The following KRABD3 variants were observed in gnomAD, a reference collection of about 807,000 sequenced individuals.
KRABD3 encodes KRAB domain containing 3.
the KRABD3 span, among the ~76,000 whole-genome samples, chr7:149,715,868 A>G: frequency 3.9e-5 from 6 of 152,188 alleles, no homozygotes; most frequent in Non-Finnish European, 7.4e-5. Flanking sequence ...CTGCACAGTT[A>G]AGTAGCCTAG....
chr7:149,730,563 G>C, the KRABD3 span: 1 of 1,611,596 alleles, frequency 6.2e-7, no homozygotes, highest in Non-Finnish European at 8.5e-7. Context: ...AGCGGCCTCG[G>C]TGCAGGTGAG....
the KRABD3 span, chr7:149,733,513 G>A: frequency 6.3e-7 from 1 of 1,590,956 alleles, no homozygotes; most frequent in South Asian, 1.1e-5. Flanking sequence ...AAGCTTCCTG[G>A]ATGTGGACCC....
the KRABD3 span, among the ~76,000 whole-genome samples, chr7:149,726,437 AT>A: frequency 0.027 from 3,754 of 139,558 alleles, 130 homozygotes; most frequent in African/African-American, 0.078. Context: ...TCTATACAGA[AT>A]TTTTTTTTTT....
At chr7:149,721,540 G>C in the KRABD3 span, 1 of 1,610,766 alleles carries the variant, frequency 6.2e-7, no homozygotes, top group Non-Finnish European at 8.5e-7. Flanking sequence ...CCATCAGTGA[G>C]TCTGACACAG....
the KRABD3 span, chr7:149,734,337 T>C: frequency 2.2e-6 from 1 of 449,602 alleles, no homozygotes; most frequent in South Asian, 2.9e-5. Context: ...TGTAGGTGGG[T>C]GGTGTGCATA....
chr7:149,720,741 G>T, the KRABD3 span: 2 of 1,252,784 alleles, frequency 1.6e-6, no homozygotes, highest in South Asian at 1.4e-5. Context: ...TGGCTGGGAG[G>T]ATTACGTGAG....
At chr7:149,731,758 G>T in the KRABD3 span, 5 of 1,611,012 alleles carry the variant, frequency 3.1e-6, no homozygotes, top group Non-Finnish European at 3.4e-6. Context: ...GCTTGGACAT[G>T]GAAGACCCAG....
chr7:149,727,797 C>T, the KRABD3 span, among the ~76,000 whole-genome samples: 1 of 152,202 alleles, frequency 6.6e-6, no homozygotes, highest in Admixed American at 6.5e-5. Context: ...AGCGAACGTG[C>T]TGTGGAGAAA....
chr7:149,733,734 A>G, the KRABD3 span: 2 of 1,583,292 alleles, frequency 1.3e-6, no homozygotes, highest in East Asian at 2.3e-5. Flanking sequence ...CCTGGGCTCC[A>G]CTGCAGCTCT....
chr7:149,719,117 C>G, the KRABD3 span, among the ~76,000 whole-genome samples: 2 of 152,222 alleles, frequency 1.3e-5, no homozygotes, highest in African/African-American at 4.8e-5. The surrounding 1 kb of genome is among the most constrained non-coding windows in gnomAD (Gnocchi z 5.6). Flanking sequence ...CTTCTTGCCT[C>G]TTGTGGCTTC....
chr7:149,723,254 T>C, the KRABD3 span, among the ~76,000 whole-genome samples: 19 of 152,124 alleles, frequency 1.2e-4, no homozygotes, highest in Non-Finnish European at 1.5e-5. Flanking sequence ...ACGCCAGGCA[T>C]GATGCATGGG....
the KRABD3 span, chr7:149,720,813 G>T: frequency 7.7e-6 from 12 of 1,565,096 alleles, no homozygotes; most frequent in East Asian, 2.4e-5. Flanking sequence ...GGTGCGGGGG[G>T]GTCACTGTGG....
At chr7:149,720,222 A>C in the KRABD3 span, 1 of 1,374,852 alleles carries the variant, frequency 7.3e-7, no homozygotes, top group Non-Finnish European at 9.9e-7. Context: ...CCAGCCTCTC[A>C]CCTCCCTGCC....
the KRABD3 span, among the ~76,000 whole-genome samples, chr7:149,715,722 C>G: frequency 1.3e-4 from 20 of 152,176 alleles, no homozygotes; most frequent in African/African-American, 4.6e-4. Context: ...TGGGGGGCAG[C>G]GTGTGACTAG....
the KRABD3 span, chr7:149,719,653 C>T: frequency 2.9e-5 from 46 of 1,606,556 alleles, 1 homozygote; most frequent in Middle Eastern, 1.7e-4. The surrounding 1 kb of genome is among the most constrained non-coding windows in gnomAD (Gnocchi z 5.6). Context: ...GGGAGAACTA[C>T]GAGACGCTGG....
the KRABD3 span, chr7:149,719,635 C>CGTGATG: frequency 1.2e-6 from 2 of 1,608,688 alleles, no homozygotes; most frequent in Non-Finnish European, 1.7e-6. The surrounding 1 kb of genome is among the most constrained non-coding windows in gnomAD (Gnocchi z 5.6). Flanking sequence ...TCTACCGAGA[C>CGTGATG]GTGATGCGGG....
the KRABD3 span, chr7:149,722,954 C>A: frequency 1.9e-6 from 3 of 1,584,760 alleles, no homozygotes; most frequent in Admixed American, 5.8e-5. Context: ...CCGCCCTGGG[C>A]AGGTGAGTTC....
the KRABD3 span, chr7:149,722,115 T>A: frequency 4.5e-6 from 2 of 446,118 alleles, no homozygotes; most frequent in Non-Finnish European, 8.3e-6. Flanking sequence ...CTGTGTGCCC[T>A]GTGTGTGCCC....
At chr7:149,723,040 T>G in the KRABD3 span, 3 of 1,157,202 alleles carry the variant, frequency 2.6e-6, no homozygotes, top group Non-Finnish European at 3.5e-6. Context: ...ACTGTCTCCC[T>G]TAGGGATCGT....
Sources: gnomAD v4.1 joint callset for allele counts (sites outside exome capture counted in the v4.1 genomes callset) on GRCh38, gnomAD v4.1.1 for gene constraint, Gnocchi (gnomAD v3.1) non-coding constraint, MANE v1.5 for transcripts, NCBI Gene and HGNC (gene_info 2026-07-23, HGNC 2026-07-21) for gene names.